The following OXR1 variants were observed in gnomAD, a reference collection of about 807,000 sequenced individuals.
OXR1 encodes the protein oxidation resistance protein 1.
In OXR1, 41 loss-of-function variants were observed where a neutral mutation model predicts 104.6. The observed-to-expected ratio is 0.39, with a 90% CI of 0.31 to 0.51. The LOEUF is 0.51. OXR1 is among the 20% of genes least tolerant of loss of function. The pLI is 0.77. For missense variants in OXR1, 955 were observed against 1,031.9 expected (o/e 0.93, Z 1.02); for synonymous variants, 348 against 348.4 (o/e 1.00, Z 0.01).
intron 2 of OXR1, among the ~76,000 whole-genome samples, chr8:106,499,763 T>C (rs141650725): frequency 6.6e-6 from 1 of 152,306 alleles, no homozygotes; most frequent in African/African-American, 2.4e-5. Context: ...TAATATGAGA[T>C]AAAGCAATAT....
chr8:106,662,190 A>C (rs1825828946), intron 3 of OXR1, among the ~76,000 whole-genome samples: 1 of 152,188 alleles, frequency 6.6e-6, no homozygotes, highest in South Asian at 2.1e-4. Flanking sequence ...TTAGTTGCAA[A>C]TTGTTGTACT....
chr8:106,285,272 T>C (rs1239992412), intron 1 of OXR1, among the ~76,000 whole-genome samples: 1 of 152,188 alleles, frequency 6.6e-6, no homozygotes, highest in Non-Finnish European at 1.5e-5. Flanking sequence ...AATCTTTAGA[T>C]CATTTGAGTA....
At chr8:106,479,809 G>A (rs1214476118) in intron 2 of OXR1, among the ~76,000 whole-genome samples, 1 of 151,970 alleles carries the variant, frequency 6.6e-6, no homozygotes, top group Non-Finnish European at 1.5e-5. Flanking sequence ...TAAAGTGGAA[G>A]CGGCACTTGG....
chr8:106,718,635 C>T (rs1322971002), intron 11 of OXR1, among the ~76,000 whole-genome samples: 1 of 151,736 alleles, frequency 6.6e-6, no homozygotes, highest in African/African-American at 2.4e-5. Flanking sequence ...GTCAGGAGAT[C>T]GAGACCATCC....
chr8:106,455,283 T>C (rs1234297144), intron 2 of OXR1, among the ~76,000 whole-genome samples: 1 of 152,176 alleles, frequency 6.6e-6, no homozygotes, highest in African/African-American at 2.4e-5. Flanking sequence ...ACTAACCCAA[T>C]ATTTTTGTGC....
chr8:106,579,782 A>G (rs909045457), intron 3 of OXR1, among the ~76,000 whole-genome samples: 3 of 151,974 alleles, frequency 2.0e-5, no homozygotes, highest in African/African-American at 7.3e-5. Flanking sequence ...TTGATTTCAT[A>G]TAATTGAGCC....
intron 2 of OXR1, among the ~76,000 whole-genome samples, chr8:106,489,305 C>G (rs191730306): frequency 3.2e-4 from 48 of 152,266 alleles, no homozygotes; most frequent in Non-Finnish European, 1.6e-4. Context: ...AGTTGCTTAA[C>G]CAGGTATTTC....
intron 2 of OXR1, among the ~76,000 whole-genome samples, chr8:106,488,564 A>AT (rs1394096731): frequency 8.5e-5 from 13 of 152,080 alleles, no homozygotes; most frequent in Admixed American, 8.5e-4. Flanking sequence ...TAGGTCTAAC[A>AT]TTTAAGTCTT....
At chr8:106,499,719 A>C (rs560054274) in intron 2 of OXR1, among the ~76,000 whole-genome samples, 1 of 152,274 alleles carries the variant, frequency 6.6e-6, no homozygotes, top group East Asian at 1.9e-4. Flanking sequence ...TCTATGTTTC[A>C]TGTCACGGGA....
intron 1 of OXR1, among the ~76,000 whole-genome samples, chr8:106,351,630 G>A (rs996389099): frequency 6.6e-6 from 1 of 152,170 alleles, no homozygotes; most frequent in African/African-American, 2.4e-5. Context: ...GTGAGAGAAG[G>A]TGGAAAGGAA....
chr8:106,589,877 G>C (rs1184866738), intron 3 of OXR1, among the ~76,000 whole-genome samples: 1 of 152,068 alleles, frequency 6.6e-6, no homozygotes, highest in Non-Finnish European at 1.5e-5. Flanking sequence ...ATGTTGGTCA[G>C]GCTGGTCTTA....
At chr8:106,524,857 T>C (rs1326774318) in intron 3 of OXR1, among the ~76,000 whole-genome samples, 1 of 152,062 alleles carries the variant, frequency 6.6e-6, no homozygotes, top group Non-Finnish European at 1.5e-5. Context: ...TGGAGAAATC[T>C]CAGATTGTAT....
chr8:106,506,549 C>T (rs911550469), intron 2 of OXR1, among the ~76,000 whole-genome samples: 1 of 152,000 alleles, frequency 6.6e-6, no homozygotes, highest in African/African-American at 2.4e-5. Context: ...GGAGGCGGAG[C>T]TTGCAGTGAG....
rs1489402099 is a variant in OXR1 at position 106,434,347 on chromosome 8, G to A, written c.23+74711G>A. On this transcript the variant is annotated intron_variant, in intron 2 of 16. Transcript: ENST00000517566. ...TTTGTTTGTCAAAGTTTAAGAAAAA[G>A]CTAATTTTGTGACAGAGTTGTAAGC... Among the ~76,000 whole-genome samples, 4 of 152,136 alleles carry A rather than the reference G, an allele frequency of 2.6e-5. No individual in the cohort carries two copies. In the South Asian group the frequency reaches 6.2e-4, roughly 24 times the overall value.
chr8:106,433,784 C>A (rs185410498), intron 2 of OXR1, among the ~76,000 whole-genome samples: 34 of 152,280 alleles, frequency 2.2e-4, no homozygotes, highest in Non-Finnish European at 4.6e-4. Flanking sequence ...GTTTATTGAT[C>A]CATTTCACTA....
At chr8:106,340,487 C>A (rs979725776) in intron 1 of OXR1, among the ~76,000 whole-genome samples, 3 of 152,148 alleles carry the variant, frequency 2.0e-5, no homozygotes, top group Non-Finnish European at 4.4e-5. Context: ...CTAGATAGGC[C>A]TTTCCTGATC....
intron 2 of OXR1, among the ~76,000 whole-genome samples, chr8:106,366,833 C>T (rs557287767): frequency 1.3e-5 from 2 of 149,048 alleles, no homozygotes; most frequent in Non-Finnish European, 3.0e-5. Context: ...TAGAGTAACT[C>T]AAGTTTAGGG....
At chr8:106,335,982 G>C (rs1036784083) in intron 1 of OXR1, among the ~76,000 whole-genome samples, 1 of 152,088 alleles carries the variant, frequency 6.6e-6, no homozygotes, top group African/African-American at 2.4e-5. Flanking sequence ...CATAAGCCCA[G>C]CTACTTGGGA....
intron 3 of OXR1, among the ~76,000 whole-genome samples, chr8:106,558,312 A>G (rs1586809464): frequency 6.6e-6 from 1 of 152,308 alleles, no homozygotes; most frequent in East Asian, 1.9e-4. Flanking sequence ...CCATTTATCA[A>G]ACTCAGAATT....
Sources: gnomAD v4.1 joint callset for allele counts (sites outside exome capture counted in the v4.1 genomes callset) on GRCh38, gnomAD v4.1.1 for gene constraint, MANE v1.5 for transcripts, NCBI Gene and HGNC (gene_info 2026-07-23, HGNC 2026-07-21) for gene names.